The following ENTREP2 variants were observed in gnomAD, a reference collection of about 807,000 sequenced individuals.
ENTREP2 encodes endosomal transmembrane epsin interactor 2.
the ENTREP2 span, among the ~76,000 whole-genome samples, chr15:29,435,993 A>G: frequency 2.6e-5 from 4 of 152,256 alleles, no homozygotes; most frequent in South Asian, 4.2e-4. Flanking sequence ...GATGTACTAG[A>G]GCAGCCAATG....
the ENTREP2 span, among the ~76,000 whole-genome samples, chr15:29,629,127 C>T: frequency 6.6e-6 from 1 of 152,142 alleles, no homozygotes; most frequent in African/African-American, 2.4e-5. Context: ...TATGAAGCCA[C>T]TCCAGTTGGC....
chr15:29,381,698 C>T, the ENTREP2 span: 5 of 1,238,722 alleles, frequency 4.0e-6, no homozygotes, highest in Non-Finnish European at 5.7e-6. Context: ...TTCTCTTCGC[C>T]ACTGCCTCCA....
At chr15:29,626,312 G>A in the ENTREP2 span, among the ~76,000 whole-genome samples, 2 of 152,202 alleles carry the variant, frequency 1.3e-5, no homozygotes, top group African/African-American at 4.8e-5. Flanking sequence ...GCCAAGTGGA[G>A]ACAATTGAAT....
the ENTREP2 span, among the ~76,000 whole-genome samples, chr15:29,623,555 C>T: frequency 6.6e-6 from 1 of 152,158 alleles, no homozygotes; most frequent in Non-Finnish European, 1.5e-5. Flanking sequence ...CTACATGCAG[C>T]TTGGGCTCTG....
the ENTREP2 span, among the ~76,000 whole-genome samples, chr15:29,611,529 A>G: frequency 6.6e-6 from 1 of 151,832 alleles, no homozygotes; most frequent in Non-Finnish European, 1.5e-5. Flanking sequence ...CCCTTAACTT[A>G]TGTCTCAAGC....
the ENTREP2 span, among the ~76,000 whole-genome samples, chr15:29,492,411 A>G: frequency 6.6e-6 from 1 of 152,216 alleles, no homozygotes; most frequent in African/African-American, 2.4e-5. Flanking sequence ...TGATTACGAT[A>G]TCATGTGATT....
At chr15:29,146,724 T>C in the ENTREP2 span, among the ~76,000 whole-genome samples, 1 of 152,048 alleles carries the variant, frequency 6.6e-6, no homozygotes, top group African/African-American at 2.4e-5. Context: ...GATCACAAGG[T>C]CAGGAGTTTG....
chr15:29,161,280 G>A, the ENTREP2 span, among the ~76,000 whole-genome samples: 1 of 152,162 alleles, frequency 6.6e-6, no homozygotes, highest in Non-Finnish European at 1.5e-5. Flanking sequence ...TACAAAGACA[G>A]GGATTCCCCA....
At chr15:29,388,799 T>C in the ENTREP2 span, among the ~76,000 whole-genome samples, 7 of 151,660 alleles carry the variant, frequency 4.6e-5, no homozygotes, top group Non-Finnish European at 1.0e-4. Flanking sequence ...AAAGGATGAG[T>C]TCATGTCCTT....
the ENTREP2 span, among the ~76,000 whole-genome samples, chr15:29,274,784 T>C: frequency 6.6e-6 from 1 of 152,188 alleles, no homozygotes; most frequent in Non-Finnish European, 1.5e-5. Flanking sequence ...GAGAAAAGCA[T>C]TCAAACTTCA....
chr15:29,136,283 T>C, the ENTREP2 span: 969 of 1,386,734 alleles, frequency 7.0e-4, 1 homozygote, highest in Non-Finnish European at 8.6e-4. Flanking sequence ...TGGCGCGGTG[T>C]GAGGTGCCTT....
chr15:29,636,253 G>A, the ENTREP2 span, among the ~76,000 whole-genome samples: 1 of 152,172 alleles, frequency 6.6e-6, no homozygotes, highest in Non-Finnish European at 1.5e-5. Context: ...CTGTGGACGA[G>A]GGGCGTTTCC....
chr15:29,125,494 G>A, the ENTREP2 span, among the ~76,000 whole-genome samples: 1 of 152,178 alleles, frequency 6.6e-6, no homozygotes, highest in Non-Finnish European at 1.5e-5. Flanking sequence ...CCGGGCTCCA[G>A]TAGAGATCAG....
the ENTREP2 span, among the ~76,000 whole-genome samples, chr15:29,644,444 G>A: frequency 5.9e-5 from 9 of 152,190 alleles, no homozygotes; most frequent in Admixed American, 1.3e-4. Context: ...GCCGGTTATC[G>A]AAAGGAGTCA....
At chr15:29,234,810 G>C in the ENTREP2 span, 1 of 1,455,446 alleles carries the variant, frequency 6.9e-7, no homozygotes, top group Non-Finnish European at 9.7e-7. Flanking sequence ...GATACAATCT[G>C]TTTATCATTT....
the ENTREP2 span, among the ~76,000 whole-genome samples, chr15:29,156,168 T>C: frequency 6.6e-6 from 1 of 151,950 alleles, no homozygotes; most frequent in Non-Finnish European, 1.5e-5. Context: ...TTGTTTGTGG[T>C]GGTGGTGGCG....
At chr15:29,119,172 A>G in the ENTREP2 span, among the ~76,000 whole-genome samples, 2 of 152,234 alleles carry the variant, frequency 1.3e-5, no homozygotes, top group African/African-American at 4.8e-5. Context: ...CCCAGAAAGT[A>G]TACATGGTAG....
chr15:29,607,534 G>A, the ENTREP2 span, among the ~76,000 whole-genome samples: 2 of 151,964 alleles, frequency 1.3e-5, no homozygotes, highest in Non-Finnish European at 2.9e-5. Flanking sequence ...GATTGATGCT[G>A]TTCTGCCATG....
At chr15:29,671,004 T>G in the ENTREP2 span, among the ~76,000 whole-genome samples, 1 of 152,128 alleles carries the variant, frequency 6.6e-6, no homozygotes, top group Non-Finnish European at 1.5e-5. Flanking sequence ...GGTTGGAACT[T>G]TCAGCCCCAC....
Sources: gnomAD v4.1 joint callset for allele counts (sites outside exome capture counted in the v4.1 genomes callset) on GRCh38, gnomAD v4.1.1 for gene constraint, MANE v1.5 for transcripts, NCBI Gene and HGNC (gene_info 2026-07-23, HGNC 2026-07-21) for gene names.